The following MTMR14 variants were observed in gnomAD, a reference collection of about 807,000 sequenced individuals.
MTMR14 encodes the protein phosphatidylinositol-3,5-bisphosphate 3-phosphatase MTMR14.
In MTMR14, 48 loss-of-function variants were observed where a neutral mutation model predicts 86.3. That is an observed-to-expected ratio of 0.56 (90% CI 0.44 to 0.71). MTMR14 has a LOEUF of 0.71. Among genes scored for constraint, MTMR14 ranks in the 30% least tolerant of loss-of-function variants. The pLI, the probability that MTMR14 is intolerant of heterozygous loss-of-function variation, is 0.00. For synonymous variants in MTMR14, 366 were observed against 326.1 expected (o/e 1.12, Z -1.32); for missense variants, 780 against 834.6 (o/e 0.93, Z 0.81).
intron 3 of MTMR14, among the ~76,000 whole-genome samples, chr3:9,667,709 T>C (rs1169000733): frequency 1.3e-5 from 2 of 152,160 alleles, no homozygotes; most frequent in South Asian, 2.1e-4. Flanking sequence ...CCTTGTCTGC[T>C]GCTACCTCAG....
chr3:9,687,884 AC>A lies in MTMR14; in HGVS notation c.1231del (p.Gln411ArgfsTer21). The A allele has an allele frequency of 6.3e-7, 1 of 1,587,476 alleles. No individual in the cohort carries two copies. Among genetic ancestry groups the A allele is most frequent in the South Asian group, 1.1e-5 (1 of 87,826 alleles). On this transcript the variant is annotated frameshift_variant, in exon 14 of 19. Coordinates refer to ENST00000296003, the MANE Select transcript of MTMR14 (RefSeq NM_001077525.3). LOFTEE classifies it high-confidence loss of function. ...CTCCGAGGAGTTCTCTGCTCTGAAG[AC>A]CCAGAGGTAAGTGGAGGCCTGCACG... ...ITSEEFSALK[T>X]QRRKSLPARD...
chr3:9,676,603 A>G lies in MTMR14; in HGVS notation c.752-714A>G, dbSNP rs548627187. Among the ~76,000 whole-genome samples the G allele has an allele frequency of 2.0e-5, 3 of 152,348 alleles. No homozygotes were observed. The South Asian group carries it at 6.2e-4, about 32-fold the overall frequency. ...CAAATGACAAAATCAAGGCTTAGAG[A>G]CATTAAACAACTTGTTCAGCGTTAC... On this transcript the variant is annotated intron_variant, in intron 7 of 18. Transcript: ENST00000296003.
Position 9,685,332 on chromosome 3 carries a change from G to A in MTMR14, c.1164+85G>A, listed in dbSNP as rs1575047281. 4 of 1,539,118 alleles carry A rather than the reference G, an allele frequency of 2.6e-6. No individual in the cohort carries two copies. In the East Asian group the frequency reaches 6.7e-5, roughly 26 times the overall value. On this transcript the variant is annotated intron_variant, in intron 13 of 18. Coordinates refer to ENST00000296003, the MANE Select transcript of MTMR14 (RefSeq NM_001077525.3). ...AGCCTGTCTGAGTTCCACGTGTTAG[G>A]GGCAGCTCCTTGCCCCAGGTGTGCA...
In MTMR14 at chr3:9,702,052, G is replaced by A; in HGVS notation, c.*79G>A. 6.3e-7 allele frequency: 1 copy of A among 1,578,728 alleles called. No homozygotes were observed. ...AGAATCAAAGCCATGCCTGGCCGAA[G>A]GGGTACTTCCAGGTCAGGGGAAATT... On this transcript the variant is annotated 3_prime_UTR_variant, in exon 19 of 19. Coordinates refer to ENST00000296003, the MANE Select transcript of MTMR14 (RefSeq NM_001077525.3).
intron 18 of MTMR14, among the ~76,000 whole-genome samples, chr3:9,698,936 A>G (rs2076366887): frequency 6.6e-6 from 1 of 152,072 alleles, no homozygotes. Context: ...AGGGAGGCCG[A>G]GGCGGGCGGA....
intron 1 of MTMR14, among the ~76,000 whole-genome samples, chr3:9,653,220 G>A (rs1245719105): frequency 6.6e-6 from 1 of 152,274 alleles, no homozygotes; most frequent in Admixed American, 6.5e-5. Context: ...GGGCGACAGA[G>A]CGAGACTCCG....
intron 18 of MTMR14, among the ~76,000 whole-genome samples, chr3:9,699,170 CAAAA>C (rs113659946): frequency 8.2e-6 from 1 of 121,326 alleles, no homozygotes. Flanking sequence ...GAAACTCTCT[CAAAA>C]AAAAAAAAAA....
At chr3:9,654,868 G>C (rs182329223) in intron 2 of MTMR14, among the ~76,000 whole-genome samples, 165 of 152,338 alleles carry the variant, frequency 1.1e-3, no homozygotes, top group Admixed American at 3.7e-3. Flanking sequence ...GAGAAGTGCT[G>C]CCGTAGGCCA....
At chr3:9,656,650 C>T (rs2124983482) in intron 2 of MTMR14, among the ~76,000 whole-genome samples, 1 of 152,258 alleles carries the variant, frequency 6.6e-6, no homozygotes, top group African/African-American at 2.4e-5. Context: ...AACTCCTGGG[C>T]TCAAACAATC....
chr3:9,684,446 G>C, intron 10 of MTMR14, 139 bp from the exon 11 acceptor site: 1 of 799,226 alleles, frequency 1.3e-6, no homozygotes, highest in Non-Finnish European at 2.3e-6. Flanking sequence ...GGCTGGAGAA[G>C]AGCCATGGGG....
rs182293782 is a variant in MTMR14, at chr3:9,686,190, C to T, written c.1164+943C>T. Among the ~76,000 whole-genome samples the T allele has an allele frequency of 3.1e-4, 47 of 152,342 alleles. 1 individual carries two copies. The East Asian group carries it at 7.5e-3, about 24-fold the overall frequency. On this transcript the variant is annotated intron_variant, in intron 13 of 18. Transcript: ENST00000296003. ...TGAACACTTATCGCGTCTGCCAGGG[C>T]TGTAGAGCTCTAAGCCTACTCCTCA...
chr3:9,663,390 A>G (rs1371020497), intron 3 of MTMR14, among the ~76,000 whole-genome samples: 2 of 148,800 alleles, frequency 1.3e-5, no homozygotes, highest in Admixed American at 1.3e-4. Context: ...AAAAGTATGT[A>G]TGGAAGTTAG....
In MTMR14 at chr3:9,701,356, G is replaced by A. The variant is rs1222313035; in HGVS notation, c.1770-434G>A. The A allele has an allele frequency of 3.0e-5, 8 of 266,190 alleles. 1 individual carries two copies. The highest frequency in any genetic ancestry group is 2.7e-3 in the Middle Eastern group (2 of 734). The allele number at this position is 266,190 out of a possible 1,614,324, so 16.5% of individuals were successfully genotyped here. A position where few individuals can be genotyped will look rare whatever the true frequency, so the allele number is the denominator to read the frequency against. The stretch of plus-strand genomic sequence containing the variant: ...AAGGCAGGCGGATCAGTTGAGTCCA[G>A]GAGTTTGAGACCAGCCTGGGCAACA... On this transcript the variant is annotated intron_variant, in intron 18 of 18. Transcript: ENST00000296003. This position sits in a 1 kb window ranked among gnomAD's most constrained non-coding sequence, Gnocchi z 4.2.
At chr3:9,683,067 A>C in intron 9 of MTMR14, 111 bp from the exon 10 acceptor site, 2 of 953,510 alleles carry the variant, frequency 2.1e-6, no homozygotes, top group Non-Finnish European at 1.6e-6. Flanking sequence ...GTCTGTAACC[A>C]AGGACCTTGT....
intron 9 of MTMR14, among the ~76,000 whole-genome samples, chr3:9,678,722 C>G (rs1457249046): frequency 6.6e-6 from 1 of 152,226 alleles, no homozygotes; most frequent in Non-Finnish European, 1.5e-5. Flanking sequence ...GGAAGACTTC[C>G]CTGATCTGCC....
At position 9,677,370 on chromosome 3, in the gene MTMR14, A is replaced by G; in HGVS notation, c.805A>G (p.Ile269Val). Reference sequence around the variant, plus strand: ...TCGGGATTACATGGCAGAAGGGCTCATATTTAACTGGAAGCAGGTATGAGC... The same window carrying G: ...TCGGGATTACATGGCAGAAGGGCTCGTATTTAACTGGAAGCAGGTATGAGC... ...KDRDYMAEGL[I>V]FNWKQDYVDA... The change falls in exon 8 of 19, where the codon ATA becomes GTA. Residue 269 changes from isoleucine to valine, a missense_variant. Coordinates refer to ENST00000296003, the MANE Select transcript of MTMR14 (RefSeq NM_001077525.3). This position sits in a 1 kb window ranked among gnomAD's most constrained non-coding sequence, Gnocchi z 4.2. 1.2e-6 allele frequency: 2 copies of G among 1,613,818 alleles called. No homozygotes were observed. Among genetic ancestry groups the G allele is most frequent in the Non-Finnish European group, 1.7e-6 (2 of 1,179,708 alleles).
chr3:9,677,531 C>CCTCT lies in MTMR14; in HGVS notation c.822+146_822+149dup, dbSNP rs2075623176. ...TTTCCTCCCTGATTGTTTCTGTCTTCCTCTCCCTCTTCTCCTTGTATATAC... is the reference window on the plus strand; with the variant it reads ...TTTCCTCCCTGATTGTTTCTGTCTTCCTCTCTCTCCCTCTTCTCCTTGTATATAC... On this transcript the variant is annotated intron_variant, in intron 8 of 18. Coordinates refer to ENST00000296003, the MANE Select transcript of MTMR14 (RefSeq NM_001077525.3). The surrounding 1 kb of genome is among the most constrained non-coding windows in gnomAD (Gnocchi z 4.2). The CCTCT allele has an allele frequency of 1.4e-6, 1 of 722,268 alleles. No individual in the cohort carries two copies. Among genetic ancestry groups the CCTCT allele is most frequent in the Non-Finnish European group, 2.5e-6 (1 of 401,236 alleles). The allele number at this position is 722,268 out of a possible 1,614,324, so 44.7% of individuals were successfully genotyped here. A position where few individuals can be genotyped will look rare whatever the true frequency, so the allele number is the denominator to read the frequency against.
chr3:9,675,371 C>G, intron 7 of MTMR14: 1 of 250,040 alleles, frequency 4.0e-6, no homozygotes, highest in Non-Finnish European at 8.2e-6. Context: ...AATAAAATTA[C>G]TATTACCCAA....
At chr3:9,660,621 A>C (rs902439223) in intron 2 of MTMR14, among the ~76,000 whole-genome samples, 2 of 152,122 alleles carry the variant, frequency 1.3e-5, no homozygotes, top group Non-Finnish European at 2.9e-5. Flanking sequence ...TATTAACCCT[A>C]ACAGCATCCA....
Sources: gnomAD v4.1 joint callset for allele counts (sites outside exome capture counted in the v4.1 genomes callset) on GRCh38, gnomAD v4.1.1 for gene constraint, Gnocchi (gnomAD v3.1) non-coding constraint, MANE v1.5 for transcripts, NCBI Gene and HGNC (gene_info 2026-07-23, HGNC 2026-07-21) for gene names.